Variants in ABCB8 observed in about 807,000 individuals in gnomAD.
ABCB8 encodes mitochondrial potassium channel ATP-binding subunit.
ABCB8 carries 52 observed loss-of-function variants against 73.0 expected under a neutral mutation model. That is an observed-to-expected ratio of 0.71 (90% CI 0.57 to 0.90). The LOEUF is 0.90. Among genes scored for constraint, ABCB8 ranks in the 40% least tolerant of loss-of-function variants. The pLI is 0.00. For missense variants in ABCB8, 909 were observed against 974.6 expected, an observed-to-expected ratio of 0.93 and a Z score of 0.90; for synonymous variants, 428 against 423.5, an observed-to-expected ratio of 1.01 and a Z score of -0.13.
At chr7:151,031,167 A>T in intron 1 of ABCB8, 1 of 967,230 alleles carries the variant, frequency 1.0e-6, no homozygotes, top group South Asian at 1.4e-5. Flanking sequence ...CAACAAGCAT[A>T]AACATTTGCG....
chr7:151,033,739 C>G lies in ABCB8; in HGVS notation c.230C>G (p.Ala77Gly). Reference sequence around the variant, plus strand: ...TCTGCCTGGTGCTGGGTTGGGGGAGCCCTGCTAGGCCCCATGGTACTGAGT... The same window carrying G: ...TCTGCCTGGTGCTGGGTTGGGGGAGGCCTGCTAGGCCCCATGGTACTGAGT... ...SPSAWCWVGG[A>G]LLGPMVLSKH... Residue 77 changes from alanine to glycine, a missense_variant, in exon 2 of 16, where the codon GCC (alanine) becomes GGC (glycine). Physicochemically the swap from Ala to Gly is moderately conservative, Grantham distance 60 (BLOSUM62 0). Coordinates refer to ENST00000358849, the MANE Select transcript of ABCB8 (RefSeq NM_007188.5). 1 of 1,613,946 alleles carries G rather than the reference C, an allele frequency of 6.2e-7. No homozygotes were observed. The highest frequency in any genetic ancestry group is 8.5e-7 in the Non-Finnish European group (1 of 1,179,952).
In ABCB8 at chr7:151,040,844, G is replaced by A. The variant is rs751407189; in HGVS notation, c.1405G>A (p.Gly469Ser). 45 of 1,596,752 alleles carry A rather than the reference G, an allele frequency of 2.8e-5. No homozygotes were observed. The highest frequency in any genetic ancestry group is 3.6e-5 in the Non-Finnish European group (42 of 1,171,966). Residue 469 changes from glycine to serine, a missense_variant, in exon 12 of 16, where the codon GGC becomes AGC. By Grantham distance (56) the Gly-to-Ser change is moderately conservative (BLOSUM62 0). Transcript: ENST00000358849. The part of the protein sequence containing the change: ...NVCFSYPCRP[G>S]FEVLKDFTLT... ...TCCTCCCAGCTACCCCTGCCGCCCC[G>A]GCTTCGAGGTGCTGAAAGACTTCAC...
In ABCB8 at chr7:151,045,285, C is replaced by G. The variant is rs915750479; in HGVS notation, c.2093C>G (p.Pro698Arg). Residue 698 changes from proline (P) to arginine (R), a missense_variant, in exon 16 of 16, where the codon CCG becomes CGG. Transcript: ENST00000358849. ...ELIRRQALDAPRTAAPPPKKP... is the reference protein window; with the variant it reads ...ELIRRQALDARRTAAPPPKKP... ...ATCCGGAGGCAGGCCCTGGATGCCC[C>G]GAGGACAGCGGCCCCACCGCCCAAA... 3 of 1,604,262 alleles carry G rather than the reference C, an allele frequency of 1.9e-6. No homozygotes were observed. The highest frequency in any genetic ancestry group is 2.2e-5 in the South Asian group (2 of 89,784).
At chr7:151,040,353 T>C in intron 10 of ABCB8, 52 bp downstream of exon 10, 2 of 1,606,352 alleles carry the variant, frequency 1.2e-6, no homozygotes, top group Non-Finnish European at 1.7e-6. Flanking sequence ...GTGCCGTGTG[T>C]GCCGCTGTGG....
chr7:151,030,058 A>G (rs1248409955), intron 1 of ABCB8, among the ~76,000 whole-genome samples: 2 of 152,254 alleles, frequency 1.3e-5, no homozygotes, highest in Non-Finnish European at 2.9e-5. Context: ...TAAATTATTG[A>G]AAGGTTTAAA....
intron 1 of ABCB8, chr7:151,031,326 C>A (rs886505134): frequency 3.3e-6 from 5 of 1,532,962 alleles, no homozygotes; most frequent in African/African-American, 2.7e-5. Flanking sequence ...GAAACAAGAA[C>A]ACAGTGGAAA....
intron 9 of ABCB8, 43 bp downstream of exon 9, chr7:151,036,692 C>T (rs552977570): frequency 1.3e-6 from 2 of 1,499,146 alleles, no homozygotes; most frequent in Non-Finnish European, 1.8e-6. Flanking sequence ...CCCCTGCCGC[C>T]CTCCAGAGCC....
rs1796440615 is a variant in ABCB8 at position 151,040,868 on chromosome 7, AC to A, written c.1432del (p.Leu478Ter). The A allele has an allele frequency of 6.9e-6, 11 of 1,604,002 alleles. No homozygotes were observed. Among genetic ancestry groups the A allele is most frequent in the Non-Finnish European group, 9.4e-6 (11 of 1,175,790 alleles). The stretch of plus-strand genomic sequence containing the variant: ...CGGCTTCGAGGTGCTGAAAGACTTC[AC>A]CCTGACGCTGCCCCCTGGCAAGATC... ...RPGFEVLKDFTLTLPPGKIVA... is the reference protein window; with the variant it reads ...RPGFEVLKDFXLTLPPGKIVA... On this transcript the variant is annotated frameshift_variant, in exon 12 of 16. Coordinates refer to ENST00000358849, the MANE Select transcript of ABCB8 (RefSeq NM_007188.5). LOFTEE classifies it high-confidence loss of function.
At chr7:151,045,076 C>T in intron 15 of ABCB8, 133 bp from the exon 16 acceptor site, 2 of 1,163,970 alleles carry the variant, frequency 1.7e-6, no homozygotes, top group Non-Finnish European at 2.3e-6. Context: ...GCATTGGTTT[C>T]AGAGTGTCCC....
At chr7:151,044,262 G>T in intron 15 of ABCB8, 41 bp downstream of exon 15, 1 of 1,580,284 alleles carries the variant, frequency 6.3e-7, no homozygotes. Flanking sequence ...GTTGAGGATG[G>T]CTTCATCACG....
At chr7:151,038,472 C>A (rs1337453184) in intron 9 of ABCB8, 1 of 151,432 alleles carries the variant, frequency 6.6e-6, no homozygotes, top group Admixed American at 6.6e-5. Context: ...GATTGCGCCA[C>A]TGCACCCCAG....
chr7:151,032,244 G>A (rs1796183180), intron 1 of ABCB8, among the ~76,000 whole-genome samples: 1 of 152,202 alleles, frequency 6.6e-6, no homozygotes, highest in African/African-American at 2.4e-5. Context: ...CTCCCTCTGA[G>A]GAGAAGGAGG....
rs1386431781 is a variant in ABCB8, at chr7:151,034,842, G to A, written c.765+13G>A. 6.2e-7 allele frequency: 1 copy of A among 1,606,118 alleles called. No individual in the cohort carries two copies. Among genetic ancestry groups the A allele is most frequent in the African/African-American group, 1.3e-5 (1 of 74,904 alleles). Reference sequence around the variant, plus strand: ...TGTCATCTCCCAGGTCAGTGGCCCAGTGGCCCCCACCACGTCCACACACAC... The same window carrying A: ...TGTCATCTCCCAGGTCAGTGGCCCAATGGCCCCCACCACGTCCACACACAC... On this transcript the variant is annotated intron_variant, in intron 5 of 15. Coordinates refer to ENST00000358849, the MANE Select transcript of ABCB8 (RefSeq NM_007188.5).
intron 9 of ABCB8, chr7:151,037,677 G>C: frequency 2.9e-6 from 1 of 340,816 alleles, no homozygotes; most frequent in Non-Finnish European, 5.7e-6. Flanking sequence ...TTCCACCGGG[G>C]CCCCCACCCC....
At position 151,033,928 on chromosome 7, in the gene ABCB8, C is replaced by G; in HGVS notation, c.408+11C>G. ...GGGGTAGCCGTCGTGGTGAGGCTTTCCCCACTTCTCCATCCTGGGGACAGG... is the reference window on the plus strand; with the variant it reads ...GGGGTAGCCGTCGTGGTGAGGCTTTGCCCACTTCTCCATCCTGGGGACAGG... On this transcript the variant is annotated intron_variant, in intron 2 of 15. Transcript: ENST00000358849. The G allele has an allele frequency of 7.6e-6, 12 of 1,572,536 alleles. No homozygotes were observed. The highest frequency in any genetic ancestry group is 1.0e-5 in the Non-Finnish European group (12 of 1,158,832).
At chr7:151,040,132 C>A (rs1185419065) in intron 9 of ABCB8, 136 bp from the exon 10 acceptor site, 2 of 991,948 alleles carry the variant, frequency 2.0e-6, no homozygotes, top group African/African-American at 1.6e-5. Context: ...TCTACGCCCC[C>A]ATGGTGCAGG....
chr7:151,043,116 C>T (rs1276336996), intron 14 of ABCB8, among the ~76,000 whole-genome samples: 1 of 152,220 alleles, frequency 6.6e-6, no homozygotes, highest in Admixed American at 6.5e-5. Flanking sequence ...CCCCAGAGCC[C>T]ATGTTTGGGT....
Position 151,028,499 on chromosome 7 carries a change from T to G in ABCB8, c.-17T>G, listed in dbSNP as rs1463700152. ...TGAAACTGCTATTGCCGGCGGCTCC[T>G]GTTTTACCGCGTCAGCATGCTGGTG... On this transcript the variant is annotated 5_prime_UTR_variant, in exon 1 of 16. Transcript: ENST00000358849. 5 of 1,609,544 alleles carry G rather than the reference T, an allele frequency of 3.1e-6. No homozygotes were observed. The Admixed American group carries it at 8.4e-5, about 27-fold the overall frequency.
intron 9 of ABCB8, 136 bp from the exon 10 acceptor site, chr7:151,040,132 C>T: frequency 3.0e-6 from 3 of 992,066 alleles, no homozygotes; most frequent in Non-Finnish European, 4.5e-6. Context: ...TCTACGCCCC[C>T]ATGGTGCAGG....
Sources: gnomAD v4.1 joint callset for allele counts (sites outside exome capture counted in the v4.1 genomes callset) on GRCh38, gnomAD v4.1.1 for gene constraint, MANE v1.5 for transcripts, NCBI Gene and HGNC (gene_info 2026-07-23, HGNC 2026-07-21) for gene names.